VPS54: variants seen among roughly 807,000 people sequenced by gnomAD.
The protein encoded by VPS54 is vacuolar protein sorting-associated protein 54.
Under a neutral mutation model 121.5 loss-of-function variants are expected in VPS54, and 45 were observed. The observed-to-expected ratio is 0.37, with a 90% CI of 0.29 to 0.47. The LOEUF (loss-of-function observed/expected upper bound fraction) is 0.47, where lower values mean the gene tolerates loss of function less well. VPS54 is among the 20% of genes least tolerant of loss of function. VPS54 has a pLI of 0.99. For synonymous variants in VPS54, 371 were observed against 385.8 expected (o/e 0.96, Z 0.45); for missense variants, 1,090 against 1,131.4 (o/e 0.96, Z 0.52).
chr2:63,975,283 T>C lies in VPS54; in HGVS notation c.379-3039A>G, dbSNP rs183671481. ...AGCTGTTCTTGTCCATTCTTGGGCA[T>C]AGGGTGAACTAACTTTGGGAGGAAC... is the stretch of plus-strand genomic sequence containing the variant. On this transcript the variant is annotated intron_variant, in intron 3 of 22. Transcript: ENST00000272322. 4 of 365,870 alleles carry C rather than the reference T, an allele frequency of 1.1e-5. No homozygotes were observed. In the East Asian group the frequency reaches 1.2e-4, roughly 11 times the overall value. 22.7% of individuals were successfully genotyped at this position (365,870 alleles called of 1,614,324 possible).
intron 3 of VPS54, among the ~76,000 whole-genome samples, chr2:63,978,732 G>A (rs1191941947): frequency 1.3e-5 from 2 of 151,966 alleles, no homozygotes; most frequent in East Asian, 1.9e-4. Flanking sequence ...GGATCCTTCT[G>A]CCTCAGCCTC....
intron 1 of VPS54, among the ~76,000 whole-genome samples, chr2:63,997,805 TTTC>T (rs1357423437): frequency 2.0e-5 from 3 of 152,056 alleles, no homozygotes; most frequent in Non-Finnish European, 4.4e-5. Context: ...ATTTAAAGTT[TTTC>T]TTCTTTTTGA....
At chr2:63,972,302 T>A in intron 3 of VPS54, 58 bp from the exon 4 acceptor site, 5 of 1,331,422 alleles carry the variant, frequency 3.8e-6, no homozygotes, top group Non-Finnish European at 5.2e-6. Context: ...ATTCAAAGCA[T>A]GAAAGTGTTT....
At chr2:64,008,231 G>T (rs1359567726) in intron 1 of VPS54, among the ~76,000 whole-genome samples, 1 of 152,010 alleles carries the variant, frequency 6.6e-6, no homozygotes, top group Non-Finnish European at 1.5e-5. Context: ...TAGCCAACGT[G>T]GTGAAACCCC....
intron 5 of VPS54, among the ~76,000 whole-genome samples, chr2:63,968,208 T>C (rs1455626690): frequency 6.6e-6 from 1 of 152,140 alleles, no homozygotes; most frequent in Non-Finnish European, 1.5e-5. Flanking sequence ...AAATGGATTA[T>C]ACATCTCGAC....
In VPS54 at chr2:63,968,833, G is replaced by T. The variant is rs563132729; in HGVS notation, c.492+124C>A. On this transcript the variant is annotated intron_variant, in intron 5 of 22. Coordinates refer to ENST00000272322, the MANE Select transcript of VPS54 (RefSeq NM_016516.3). ...GAAAGAAGAAAAGTGATGCAACACA[G>T]CCCCACAAGAGACAAAGTAGCCAAA... 4.0e-4 allele frequency: 297 copies of T among 738,102 alleles called. 1 individual carries two copies. In the East Asian group the frequency reaches 7.7e-3, roughly 19 times the overall value. 45.7% of individuals were successfully genotyped at this position (738,102 alleles called of 1,614,324 possible). A position where few individuals can be genotyped will look rare whatever the true frequency, so the allele number is the denominator to read the frequency against.
intron 7 of VPS54, among the ~76,000 whole-genome samples, chr2:63,953,979 CTTCTTTTCCTT>C (rs1675378607): frequency 6.6e-6 from 1 of 152,118 alleles, no homozygotes; most frequent in Non-Finnish European, 1.5e-5. Context: ...ACTTTTTCCT[CTTCTTTTCCTT>C]AAGATGTATC....
chr2:63,934,945 C>T (rs950863563), intron 11 of VPS54, among the ~76,000 whole-genome samples: 1 of 152,118 alleles, frequency 6.6e-6, no homozygotes, highest in Non-Finnish European at 1.5e-5. Flanking sequence ...AACTGTTTCT[C>T]CCTTTCTCAA....
At position 63,934,019 on chromosome 2, in the gene VPS54, A is replaced by G. The variant is rs1288978479; in HGVS notation, c.1399-6T>C. ...TGAATGATATTTAATGTTGCCTACA[A>G]GAAAATAGGACACACTTTTAAGGGA... On this transcript the variant is annotated splice_region_variant and splice_polypyrimidine_tract_variant and intron_variant, in intron 11 of 22. Transcript: ENST00000272322. 6.2e-7 allele frequency: 1 copy of G among 1,606,678 alleles called. No individual in the cohort carries two copies. The highest frequency in any genetic ancestry group is 2.2e-5 in the East Asian group (1 of 44,752).
intron 1 of VPS54, among the ~76,000 whole-genome samples, chr2:63,992,357 T>C (rs550900566): frequency 6.6e-6 from 1 of 152,216 alleles, no homozygotes; most frequent in Admixed American, 6.5e-5. Context: ...ACTCTTATAG[T>C]ACTCCCAGTC....
chr2:63,948,268 T>G (rs1175576994), intron 8 of VPS54, among the ~76,000 whole-genome samples: 1 of 151,302 alleles, frequency 6.6e-6, no homozygotes, highest in Admixed American at 6.6e-5. Context: ...CTAGTTGTTG[T>G]CAGTGATTAA....
In VPS54 at chr2:63,912,375, C is replaced by A. The variant is rs773507733; in HGVS notation, c.2595G>T (p.Met865Ile). The A allele has an allele frequency of 1.2e-6, 2 of 1,611,140 alleles. No homozygotes were observed. Among genetic ancestry groups the A allele is most frequent in the East Asian group, 2.2e-5 (1 of 44,784 alleles). Residue 865 changes from methionine (M) to isoleucine (I), a missense_variant, in exon 20 of 23, where the codon ATG (methionine) becomes ATT (isoleucine). Around this residue, in one of 2 missense-constraint regions of VPS54, gnomAD observed 289 missense variants for 374.4 expected, o/e 0.77. Transcript: ENST00000272322. ...ATAACAGCTTGTCAAATAAGCTATCCATTATCGCTACAAGCTTAGCTGATA... is the reference window on the plus strand; with the variant it reads ...ATAACAGCTTGTCAAATAAGCTATCAATTATCGCTACAAGCTTAGCTGATA... ...AEISAKLVAI[M>I]DSLFDKLLSK...
At chr2:63,994,286 C>T (rs934668850) in intron 1 of VPS54, among the ~76,000 whole-genome samples, 2 of 152,196 alleles carry the variant, frequency 1.3e-5, no homozygotes, top group Admixed American at 6.5e-5. Flanking sequence ...CACTGAATCT[C>T]GCTTACACTA....
At chr2:63,993,857 C>T (rs1677448847) in intron 1 of VPS54, among the ~76,000 whole-genome samples, 1 of 152,144 alleles carries the variant, frequency 6.6e-6, no homozygotes, top group Non-Finnish European at 1.5e-5. Context: ...TTATGTAGGT[C>T]CTACAAACAA....
chr2:63,935,397 C>T (rs1349289674), intron 11 of VPS54, among the ~76,000 whole-genome samples: 1 of 152,120 alleles, frequency 6.6e-6, no homozygotes, highest in East Asian at 1.9e-4. Flanking sequence ...TCACTAGCTT[C>T]TTCTGTATTG....
chr2:63,942,410 T>C, intron 11 of VPS54, 55 bp downstream of exon 11: 1 of 1,264,022 alleles, frequency 7.9e-7, no homozygotes, highest in Non-Finnish European at 1.1e-6. Context: ...ATTATGTATC[T>C]AGAAAGCTGA....
intron 12 of VPS54, among the ~76,000 whole-genome samples, chr2:63,929,273 C>G (rs560249404): frequency 6.6e-6 from 1 of 152,278 alleles, no homozygotes; most frequent in East Asian, 1.9e-4. Context: ...AACTAAAGCA[C>G]TCCTCAGCAA....
intron 20 of VPS54, among the ~76,000 whole-genome samples, chr2:63,902,725 T>C (rs1488946404): frequency 6.6e-6 from 1 of 152,130 alleles, no homozygotes; most frequent in African/African-American, 2.4e-5. Context: ...TCCCACCACT[T>C]TGGGAGGCTG....
At chr2:63,900,884 T>G (rs1672654561) in intron 20 of VPS54, among the ~76,000 whole-genome samples, 1 of 152,150 alleles carries the variant, frequency 6.6e-6, no homozygotes, top group Admixed American at 6.5e-5. Context: ...TGCCTCAGCC[T>G]CCCGAGTAGC....
Sources: allele counts gnomAD v4.1 joint callset (sites outside exome capture counted in the v4.1 genomes callset), GRCh38; gene constraint gnomAD v4.1.1; regional missense constraint gnomAD v4.1.1; transcripts MANE v1.5; gene names NCBI Gene and HGNC (gene_info 2026-07-23, HGNC 2026-07-21).